Variants in VRK2 observed in about 807,000 individuals in gnomAD.
The protein encoded by VRK2 is VRK serine/threonine kinase 2.
Under a neutral mutation model 57.6 loss-of-function variants are expected in VRK2, and 60 were observed. The observed-to-expected ratio is 1.04, with a 90% confidence interval of 0.85 to 1.29. VRK2 has a LOEUF of 1.29. Ranked by LOEUF, VRK2 falls within the 50% of genes most tolerant of loss-of-function variation. The probability of loss-of-function intolerance (pLI) is 0.00; values close to 1 mark genes in which losing one functional copy is unlikely to be tolerated. For synonymous variants in VRK2, 231 were observed against 199.2 expected, an observed-to-expected ratio of 1.16 and a Z score of -1.35; for missense variants, 705 against 588.1, an observed-to-expected ratio of 1.20 and a Z score of -2.06.
At chr2:58,156,823 T>C (rs1683950493) in intron 12 of VRK2, among the ~76,000 whole-genome samples, 1 of 152,224 alleles carries the variant, frequency 6.6e-6, no homozygotes, top group Non-Finnish European at 1.5e-5. Context: ...TTGATAATTG[T>C]ACCATCTGGA....
At chr2:58,148,826 A>G (rs528849374) in intron 12 of VRK2, among the ~76,000 whole-genome samples, 1 of 151,826 alleles carries the variant, frequency 6.6e-6, no homozygotes, top group Admixed American at 6.6e-5. Context: ...GTGTGAGCCT[A>G]TTTCTGGGCT....
intron 2 of VRK2, among the ~76,000 whole-genome samples, chr2:58,029,702 T>C (rs1243938787): frequency 2.6e-5 from 4 of 152,248 alleles, no homozygotes; most frequent in African/African-American, 7.2e-5. Context: ...GGGGGGTTTA[T>C]TCTGTTTTTA....
At chr2:58,109,696 T>G (rs1242531042) in intron 7 of VRK2, among the ~76,000 whole-genome samples, 1 of 152,154 alleles carries the variant, frequency 6.6e-6, no homozygotes, top group African/African-American at 2.4e-5. Context: ...TCTAATCACT[T>G]CCCAGGGGTC....
chr2:57,989,466 C>G (rs1270308253), intron 1 of VRK2, among the ~76,000 whole-genome samples: 1 of 152,026 alleles, frequency 6.6e-6, no homozygotes, highest in Admixed American at 6.6e-5. Flanking sequence ...GAAATGTTTG[C>G]CTTAATTTTG....
At chr2:57,914,769 A>G (rs1346815361) in intron 1 of VRK2, among the ~76,000 whole-genome samples, 1 of 152,202 alleles carries the variant, frequency 6.6e-6, no homozygotes, top group African/African-American at 2.4e-5. Flanking sequence ...ACATAAAAAG[A>G]AACATTGCTC....
chr2:58,076,099 C>T (rs1273721533), intron 2 of VRK2, among the ~76,000 whole-genome samples: 1 of 141,142 alleles, frequency 7.1e-6, no homozygotes, highest in African/African-American at 2.7e-5. Context: ...CTAATAGCTA[C>T]TGTCTTCTTT....
At position 58,102,492 on chromosome 2, in the gene VRK2, T is replaced by TAA. The variant is rs570889511; in HGVS notation, c.543+12783_543+12784dup. On this transcript the variant is annotated intron_variant, in intron 7 of 12. Transcript: ENST00000340157. ...AAACAGGCTTTAAATCAAAAACAGT[T>TAA]AAAAAAAAAAAAAAAGACAAAGGAG... 1.9e-3 allele frequency among the ~76,000 whole-genome samples: 196 copies of TAA among 105,366 alleles called. 2 individuals are homozygous for TAA. The highest frequency in any genetic ancestry group is 5.6e-3 in the African/African-American group (170 of 30,414). The allele number at this position is 105,366 out of a possible 152,430, so 69.1% of individuals were successfully genotyped here. A position where few individuals can be genotyped will look rare whatever the true frequency, so the allele number is the denominator to read the frequency against.
At chr2:57,966,842 T>A (rs1558516995) in intron 1 of VRK2, among the ~76,000 whole-genome samples, 1 of 152,174 alleles carries the variant, frequency 6.6e-6, no homozygotes, top group African/African-American at 2.4e-5. Context: ...GTATATTGAC[T>A]AATAAAAAGT....
At chr2:57,962,989 C>T (rs967387318) in intron 1 of VRK2, among the ~76,000 whole-genome samples, 1 of 152,264 alleles carries the variant, frequency 6.6e-6, no homozygotes, top group African/African-American at 2.4e-5. Context: ...TCACCAGTAA[C>T]GGCCAGCTTG....
At chr2:58,018,464 T>C (rs1343260248) in intron 1 of VRK2, among the ~76,000 whole-genome samples, 1 of 152,234 alleles carries the variant, frequency 6.6e-6, no homozygotes, top group Admixed American at 6.5e-5. Context: ...ATTCCATTTG[T>C]AGCAGAGAAT....
chr2:57,964,257 A>G (rs928465096), intron 1 of VRK2, among the ~76,000 whole-genome samples: 5 of 152,238 alleles, frequency 3.3e-5, no homozygotes, highest in Non-Finnish European at 4.4e-5. Flanking sequence ...GTATTCTTAT[A>G]ATAAAGTAAG....
At chr2:58,133,142 A>G (rs992156305) in intron 9 of VRK2, among the ~76,000 whole-genome samples, 4 of 152,140 alleles carry the variant, frequency 2.6e-5, no homozygotes, top group African/African-American at 9.6e-5. Context: ...GATAAGACTA[A>G]TATGACTTGC....
chr2:58,025,285 T>C (rs1391936425), intron 1 of VRK2, among the ~76,000 whole-genome samples: 2 of 151,916 alleles, frequency 1.3e-5, no homozygotes, highest in Non-Finnish European at 2.9e-5. Flanking sequence ...TTTTAACTAT[T>C]AGTTAATATC....
chr2:57,944,346 A>G (rs1455543358), intron 1 of VRK2, among the ~76,000 whole-genome samples: 1 of 152,230 alleles, frequency 6.6e-6, no homozygotes, highest in Non-Finnish European at 1.5e-5. Context: ...CTGAGGGGCC[A>G]TTTAAGAGAG....
At chr2:58,073,648 A>ATATATT (rs60045741) in intron 2 of VRK2, among the ~76,000 whole-genome samples, 4,980 of 142,194 alleles carry the variant, frequency 0.035, 120 homozygotes, top group Middle Eastern at 0.051. Context: ...ATATATATAT[A>ATATATT]TATATTTATA....
chr2:58,090,549 C>G (rs1489588585), intron 7 of VRK2, among the ~76,000 whole-genome samples: 7 of 152,090 alleles, frequency 4.6e-5, no homozygotes, highest in South Asian at 2.1e-4. Flanking sequence ...GTACCAACTG[C>G]TGATGAGTAT....
chr2:58,005,040 A>G (rs1673201054), intron 1 of VRK2, among the ~76,000 whole-genome samples: 1 of 152,192 alleles, frequency 6.6e-6, no homozygotes, highest in East Asian at 1.9e-4. Context: ...AGAAATGTAT[A>G]AACATTATGT....
At chr2:58,087,007 A>G (rs56193394) in intron 5 of VRK2, among the ~76,000 whole-genome samples, 3,483 of 152,322 alleles carry the variant, frequency 0.023, 71 homozygotes, top group African/African-American at 0.06. Flanking sequence ...ATTCAGTTCT[A>G]TCTCTTGAGG....
intron 2 of VRK2, among the ~76,000 whole-genome samples, chr2:58,070,458 C>T (rs1235826305): frequency 1.3e-5 from 2 of 152,116 alleles, no homozygotes; most frequent in South Asian, 2.1e-4. Flanking sequence ...TTGTGCTACA[C>T]CTGTTTATTC....
Sources: gnomAD v4.1 joint callset for allele counts (sites outside exome capture counted in the v4.1 genomes callset) on GRCh38, gnomAD v4.1.1 for gene constraint, MANE v1.5 for transcripts, NCBI Gene and HGNC (gene_info 2026-07-23, HGNC 2026-07-21) for gene names.